The following COL3A1 variants were observed in gnomAD, a reference collection of about 807,000 sequenced individuals.
The protein encoded by COL3A1 is collagen type III alpha 1 chain.
Under a neutral mutation model 200.9 loss-of-function variants are expected in COL3A1, and 46 were observed. The ratio of observed to expected loss-of-function variants is 0.23; its 90% CI spans 0.18 to 0.29. The LOEUF (loss-of-function observed/expected upper bound fraction) is 0.29. Among genes scored for constraint, COL3A1 ranks in the 10% least tolerant of loss-of-function variants. The pLI, the probability that COL3A1 is intolerant of heterozygous loss-of-function variation, is 1.00. For missense variants in COL3A1, 1,367 were observed against 1,917.6 expected (o/e 0.71, Z 5.36); for synonymous variants, 650 against 628.0 (o/e 1.03, Z -0.52).
chr2:189,007,532 A>G lies in COL3A1; in HGVS notation c.3288A>G (p.Glu1096=), dbSNP rs751983123. The G allele has an allele frequency of 6.2e-7, 1 of 1,613,796 alleles. No individual in the cohort carries two copies. Among genetic ancestry groups the G allele is most frequent in the South Asian group, 1.1e-5 (1 of 90,972 alleles). ...GPQGPRGDKG[E]TGERGAAGIK... Reference sequence around the variant, plus strand: ...AAGGCCCACGTGGTGACAAAGGTGAAACAGGTGAACGTGGAGCTGCTGGCA... The same window carrying G: ...AAGGCCCACGTGGTGACAAAGGTGAGACAGGTGAACGTGGAGCTGCTGGCA... Residue 1096 remains glutamate, a synonymous_variant, in exon 45 of 51, where the codon GAA becomes GAG. Transcript: ENST00000304636.
intron 47 of COL3A1, 177 bp downstream of exon 47, chr2:189,008,319 T>C (rs2153504008): frequency 1.5e-6 from 1 of 652,682 alleles, no homozygotes; most frequent in Non-Finnish European, 2.7e-6. Flanking sequence ...TACCACACTA[T>C]AACAGGAGAA....
rs999795884 is a variant in COL3A1 at position 188,976,712 on chromosome 2, A to G, written c.79+2144A>G. 3.9e-5 allele frequency among the ~76,000 whole-genome samples: 6 copies of G among 152,164 alleles called. No individual in the cohort carries two copies. The South Asian group carries it at 1.2e-3, about 32-fold the overall frequency. ...TCACAGGCATTTTCTGGATACAAACAAGTCCTCAAAAAGAATTTTGGTCGT... is the reference window on the plus strand; with the variant it reads ...TCACAGGCATTTTCTGGATACAAACGAGTCCTCAAAAAGAATTTTGGTCGT... On this transcript the variant is annotated intron_variant, in intron 1 of 50. Transcript: ENST00000304636.
rs1559056357 is a variant in COL3A1, at chr2:188,994,643, T to C, written c.1347+49T>C. 1 of 1,613,224 alleles carries C rather than the reference T, an allele frequency of 6.2e-7. No individual in the cohort carries two copies. The highest frequency in any genetic ancestry group is 8.5e-7 in the Non-Finnish European group (1 of 1,179,300). On this transcript the variant is annotated intron_variant, in intron 19 of 50. Transcript: ENST00000304636. The surrounding 1 kb of genome is among the most constrained non-coding windows in gnomAD (Gnocchi z 4.5). ...GGTTATTTCTTGAAAAAATGCAACA[T>C]AATTAGAAAGTAAACAGGTAAAAAC...
chr2:189,011,744 T>C lies in COL3A1; in HGVS notation c.4371T>C (p.Gly1457=), dbSNP rs1188057254. 1 of 1,614,046 alleles carries C rather than the reference T, an allele frequency of 6.2e-7. No individual in the cohort carries two copies. Residue 1457 remains glycine (G), a synonymous_variant, in exon 51 of 51, where the codon GGT becomes GGC. Coordinates refer to ENST00000304636, the MANE Select transcript of COL3A1 (RefSeq NM_000090.4). ...YDIGGPDQEF[G]VDVGPVCFL ...TTGGTGGTCCTGATCAAGAATTTGGTGTGGACGTTGGCCCTGTTTGCTTTT... is the reference window on the plus strand; with the variant it reads ...TTGGTGGTCCTGATCAAGAATTTGGCGTGGACGTTGGCCCTGTTTGCTTTT...
chr2:188,987,144 G>T lies in COL3A1; in HGVS notation c.528+5G>T. On this transcript the variant is annotated splice_donor_5th_base_variant and intron_variant, in intron 5 of 50. Transcript: ENST00000304636. ...GCAGGCTATCCTGGACCAGCTGTAC[G>T]TACAAATGTTTCTCAGCATTTTGGA... 6.2e-7 allele frequency: 1 copy of T among 1,608,726 alleles called. No homozygotes were observed.
At position 188,988,148 on chromosome 2, in the gene COL3A1, T is replaced by C. The variant is rs773936610; in HGVS notation, c.582+14T>C. ...CCTGGTTCCCCTGTAAGTATAGCCA[T>C]TGGTGGTGTTTTCTTCCTCATTTTT... On this transcript the variant is annotated intron_variant, in intron 6 of 50. Coordinates refer to ENST00000304636, the MANE Select transcript of COL3A1 (RefSeq NM_000090.4). 1.2e-5 allele frequency: 19 copies of C among 1,607,234 alleles called. No individual in the cohort carries two copies. The highest frequency in any genetic ancestry group is 1.5e-5 in the Non-Finnish European group (18 of 1,174,014).
chr2:188,983,983 C>A (rs1452033165), intron 1 of COL3A1, among the ~76,000 whole-genome samples: 1 of 151,930 alleles, frequency 6.6e-6, no homozygotes, highest in Non-Finnish European at 1.5e-5. Context: ...TGAAGCAAGT[C>A]TAAAATTTTG....
intron 1 of COL3A1, among the ~76,000 whole-genome samples, chr2:188,980,531 T>C (rs1485240716): frequency 2.0e-5 from 3 of 148,772 alleles, no homozygotes; most frequent in Non-Finnish European, 4.5e-5. Context: ...TGAAAAAGCA[T>C]ATATCTATAA....
chr2:188,994,958 C>A lies in COL3A1; in HGVS notation c.1456-88C>A. ...CAGTGAAAATATTGTTTAAAGCATT[C>A]TATGACATAAAAATATTTGCCACTC... is the stretch of plus-strand genomic sequence containing the variant. On this transcript the variant is annotated intron_variant, in intron 20 of 50. Coordinates refer to ENST00000304636, the MANE Select transcript of COL3A1 (RefSeq NM_000090.4). The surrounding 1 kb of genome is among the most constrained non-coding windows in gnomAD (Gnocchi z 4.5). 2 of 1,551,102 alleles carry A rather than the reference C, an allele frequency of 1.3e-6. No homozygotes were observed. Among genetic ancestry groups the A allele is most frequent in the South Asian group, 1.1e-5 (1 of 89,780 alleles).
chr2:189,008,344 A>G, intron 47 of COL3A1: 1 of 599,772 alleles, frequency 1.7e-6, no homozygotes, highest in South Asian at 2.0e-5. Context: ...ACCTTTTTAA[A>G]AATTTGATCA....
chr2:188,993,384 T>A lies in COL3A1; in HGVS notation c.1074T>A (p.Ser358=). ...AGGGTGAAGTTGGACCTGCAGGGTC[T>A]CCTGGTTCAAATGGTGCCCCTGGAC... ...GAKGEVGPAG[S]PGSNGAPGQR... The change falls in exon 16 of 51, where the codon TCT becomes TCA. Residue 358 remains serine, a synonymous_variant. Transcript: ENST00000304636. The A allele has an allele frequency of 6.4e-7, 1 of 1,571,064 alleles. No homozygotes were observed.
rs1455904902 is a variant in COL3A1 at position 189,012,573 on chromosome 2, AGG to A, written c.*802_*803del. On this transcript the variant is annotated 3_prime_UTR_variant, in exon 51 of 51. Coordinates refer to ENST00000304636, the MANE Select transcript of COL3A1 (RefSeq NM_000090.4). ...TCAGAAAGATTCATTGGCATGCCAC[AGG>A]GGATTCTCCTCCTTCATCCTGTAAA... 1 of 90,750 alleles carries A rather than the reference AGG, an allele frequency of 1.1e-5. No individual in the cohort carries two copies. Among genetic ancestry groups the A allele is most frequent in the Non-Finnish European group, 2.4e-5 (1 of 41,720 alleles). 5.6% of individuals were successfully genotyped at this position (90,750 alleles called of 1,614,324 possible).
At chr2:188,991,822 C>A in intron 13 of COL3A1, 100 bp downstream of exon 13, 3 of 1,205,864 alleles carry the variant, frequency 2.5e-6, no homozygotes, top group Non-Finnish European at 3.7e-6. Flanking sequence ...AGGAAAAAGA[C>A]CTTCCTACAA....
intron 4 of COL3A1, among the ~76,000 whole-genome samples, chr2:188,986,562 C>A (rs1403159868): frequency 1.3e-5 from 2 of 151,862 alleles, no homozygotes; most frequent in African/African-American, 4.8e-5. Context: ...GGTTTATTTT[C>A]TATGGAGATG....
chr2:188,985,100 C>A (rs887344014), intron 2 of COL3A1, 97 bp from the exon 3 acceptor site: 22 of 1,430,882 alleles, frequency 1.5e-5, no homozygotes, highest in Admixed American at 1.2e-4. Flanking sequence ...AAAAAGTGAC[C>A]GTTTCAATTT....
At position 188,994,202 on chromosome 2, in the gene COL3A1, C is replaced by T. The variant is rs41272835; in HGVS notation, c.1195-32C>T. ...ATATTCATAAAAGAACATTCAAGTTCGGCTAATATAGTGTCTTTGGTTTGT... is the reference window on the plus strand; with the variant it reads ...ATATTCATAAAAGAACATTCAAGTTTGGCTAATATAGTGTCTTTGGTTTGT... On this transcript the variant is annotated intron_variant, in intron 17 of 50. Transcript: ENST00000304636. The surrounding 1 kb of genome is among the most constrained non-coding windows in gnomAD (Gnocchi z 4.5). The T allele has an allele frequency of 7.8e-4, 1,260 of 1,611,334 alleles. 5 individuals are homozygous for T. In the African/African-American group the frequency reaches 0.014, roughly 18 times the overall value.
chr2:189,003,381 T>G, intron 36 of COL3A1, 30 bp from the exon 37 acceptor site: 1 of 1,606,510 alleles, frequency 6.2e-7, no homozygotes, highest in East Asian at 2.2e-5. Flanking sequence ...TTGGTGCTAT[T>G]CTTACATAAT....
Position 188,994,456 on chromosome 2 carries a change from A to G in COL3A1, c.1294-85A>G. On this transcript the variant is annotated intron_variant, in intron 18 of 50. Coordinates refer to ENST00000304636, the MANE Select transcript of COL3A1 (RefSeq NM_000090.4). This position sits in a 1 kb window ranked among gnomAD's most constrained non-coding sequence, Gnocchi z 4.5. ...ATATTGACTTCACTCTTGTCTTATA[A>G]CTTATAACTGAATTATGTGTTACTG... The G allele has an allele frequency of 6.3e-7, 1 of 1,576,120 alleles. No individual in the cohort carries two copies. The highest frequency in any genetic ancestry group is 8.7e-7 in the Non-Finnish European group (1 of 1,146,348).
intron 5 of COL3A1, among the ~76,000 whole-genome samples, chr2:188,987,507 G>A (rs1688088670): frequency 1.3e-5 from 2 of 152,080 alleles, no homozygotes; most frequent in Admixed American, 6.6e-5. Context: ...TCAGCTTGCT[G>A]AAGGTTTTCT....
Sources: allele counts gnomAD v4.1 joint callset (sites outside exome capture counted in the v4.1 genomes callset), GRCh38; gene constraint gnomAD v4.1.1; non-coding constraint Gnocchi (gnomAD v3.1); transcripts MANE v1.5; gene names NCBI Gene and HGNC (gene_info 2026-07-23, HGNC 2026-07-21).